SCAP: variants seen among roughly 807,000 people sequenced by gnomAD.
SCAP encodes the protein SREBF chaperone.
Under a neutral mutation model 123.6 loss-of-function variants are expected in SCAP, and 65 were observed. The ratio of observed to expected loss-of-function variants is 0.53; its 90% CI spans 0.43 to 0.65. The LOEUF (loss-of-function observed/expected upper bound fraction) is 0.65, where lower values mean the gene tolerates loss of function less well. Ranked by LOEUF, SCAP falls within the 30% of genes least tolerant of loss-of-function variation. The pLI is 0.00. For synonymous variants in SCAP, 740 were observed against 726.3 expected, an observed-to-expected ratio of 1.02 and a Z score of -0.30; for missense variants, 1,398 against 1,712.5, an observed-to-expected ratio of 0.82 and a Z score of 3.24.
Position 47,420,735 on chromosome 3 carries a change from C to A in SCAP, c.1382G>T (p.Cys461Phe). 6.2e-7 allele frequency: 1 copy of A among 1,610,936 alleles called. No individual in the cohort carries two copies. The highest frequency in any genetic ancestry group is 8.5e-7 in the Non-Finnish European group (1 of 1,179,936). Reference protein sequence around the residue: ...DLNKRLPPEACLPSAKPVGQP... With the variant: ...DLNKRLPPEAFLPSAKPVGQP... ...TCCCACTGGCTTGGCTGAGGGCAGG[C>A]AGGCCTCAGGGGGCAGTCGCTTGTT... The change falls in exon 12 of 23, where the codon TGC (cysteine) becomes TTC (phenylalanine). Residue 461 changes from cysteine (C) to phenylalanine (F), a missense_variant. Physicochemically the swap from Cys to Phe is radical, Grantham distance 205. Transcript: ENST00000265565. This position sits in a 1 kb window ranked among gnomAD's most constrained non-coding sequence, Gnocchi z 5.0.
chr3:47,420,391 G>A lies in SCAP; in HGVS notation c.1563+163C>T, dbSNP rs1705838616. 1.3e-5 allele frequency among the ~76,000 whole-genome samples: 2 copies of A among 152,168 alleles called. No individual in the cohort carries two copies. Among genetic ancestry groups the A allele is most frequent in the Admixed American group, 1.3e-4 (2 of 15,286 alleles). ...ATCTCCTCAGAAGCCACTAGGGTCT[G>A]GGCAGGGAGGACACAACGGGCAACT... On this transcript the variant is annotated intron_variant, in intron 12 of 22. Coordinates refer to ENST00000265565, the MANE Select transcript of SCAP (RefSeq NM_012235.4). This position sits in a 1 kb window ranked among gnomAD's most constrained non-coding sequence, Gnocchi z 5.0.
At chr3:47,423,711 G>A (rs1208289523) in intron 9 of SCAP, among the ~76,000 whole-genome samples, 1 of 152,190 alleles carries the variant, frequency 6.6e-6, no homozygotes, top group Non-Finnish European at 1.5e-5. Context: ...CTTTCTTACT[G>A]ACACATGAAC....
At chr3:47,468,845 G>C (rs559246426) in intron 1 of SCAP, among the ~76,000 whole-genome samples, 201 of 152,156 alleles carry the variant, frequency 1.3e-3, no homozygotes, top group Non-Finnish European at 2.4e-3. Flanking sequence ...GGGTTTTTAT[G>C]GTTTTAGGTC....
chr3:47,469,090 G>A (rs140916562), intron 1 of SCAP, among the ~76,000 whole-genome samples: 3,471 of 152,314 alleles, frequency 0.023, 51 homozygotes, highest in Middle Eastern at 0.058. Flanking sequence ...GCTCACACCT[G>A]CAATCCCAGC....
At chr3:47,446,450 C>T (rs1427311121) in intron 1 of SCAP, among the ~76,000 whole-genome samples, 1 of 152,110 alleles carries the variant, frequency 6.6e-6, no homozygotes, top group East Asian at 1.9e-4. Context: ...GGATTACAGG[C>T]GTGAGCCACC....
At position 47,418,681 on chromosome 3, in the gene SCAP, C is replaced by T; in HGVS notation, c.2103G>A (p.Gln701=). The T allele has an allele frequency of 6.3e-7, 1 of 1,579,136 alleles. No homozygotes were observed. The highest frequency in any genetic ancestry group is 8.6e-7 in the Non-Finnish European group (1 of 1,161,170). ...TGTACAGCGTGACGTCTCCATGGGCCTGCACCCCACCTGGGCCCTTGGGTC... is the reference window on the plus strand; with the variant it reads ...TGTACAGCGTGACGTCTCCATGGGCTTGCACCCCACCTGGGCCCTTGGGTC... ...EAGPKGPGGV[Q]AHGDVTLYKV... is the part of the protein sequence containing the mutation. Residue 701 remains glutamine, a synonymous_variant, in exon 14 of 23, where the codon CAG becomes CAA. Transcript: ENST00000265565.
chr3:47,440,394 G>A (rs1706746712), intron 2 of SCAP, among the ~76,000 whole-genome samples: 1 of 152,220 alleles, frequency 6.6e-6, no homozygotes, highest in South Asian at 2.1e-4. Context: ...CCAAGTCCCA[G>A]AATCTATGGA....
chr3:47,428,331 G>A (rs780003352), intron 4 of SCAP, among the ~76,000 whole-genome samples, 182 bp downstream of exon 4: 2 of 152,084 alleles, frequency 1.3e-5, no homozygotes, highest in Non-Finnish European at 2.9e-5. Flanking sequence ...AGGTCCAAGC[G>A]GAATGCAGCC....
intron 1 of SCAP, among the ~76,000 whole-genome samples, chr3:47,473,822 C>A (rs947309536): frequency 2.0e-5 from 3 of 152,160 alleles, no homozygotes; most frequent in African/African-American, 7.2e-5. Context: ...GCATATGCCT[C>A]CATTTTTCTA....
chr3:47,464,481 C>T lies in SCAP; in HGVS notation c.-99+11318G>A, dbSNP rs79375145. On this transcript the variant is annotated intron_variant, in intron 1 of 22. Transcript: ENST00000265565. ...ACAAAAATCAATTAAGGTAATATGCCACATTACTAGAATGAAGGAGAAAAA... is the reference window on the plus strand; with the variant it reads ...ACAAAAATCAATTAAGGTAATATGCTACATTACTAGAATGAAGGAGAAAAA... Among the ~76,000 whole-genome samples, 1,377 of 152,044 alleles carry T rather than the reference C, an allele frequency of 9.1e-3. 17 individuals are homozygous for T. Among genetic ancestry groups the T allele is most frequent in the African/African-American group, 0.032 (1,306 of 41,442 alleles).
In SCAP at chr3:47,422,356, GGGGA is replaced by G. The variant is rs1705939233; in HGVS notation, c.1245+82_1245+85del. The G allele has an allele frequency of 5.0e-6, 6 of 1,211,992 alleles. No individual in the cohort carries two copies. The Admixed American group carries it at 1.1e-4, about 23-fold the overall frequency. The allele number at this position is 1,211,992 out of a possible 1,614,324, so 75.1% of individuals were successfully genotyped here. On this transcript the variant is annotated intron_variant, in intron 10 of 22. Coordinates refer to ENST00000265565, the MANE Select transcript of SCAP (RefSeq NM_012235.4). ...GAAGCAAGGATGCCTGTGCTGAAGA[GGGGA>G]GCACCCTGCCCATGGCTGCACAGCT...
chr3:47,454,652 G>A (rs375420396), intron 1 of SCAP, among the ~76,000 whole-genome samples: 23 of 151,956 alleles, frequency 1.5e-4, no homozygotes, highest in African/African-American at 2.9e-4. Context: ...TCGCTTGAAC[G>A]CAGGAGAATC....
chr3:47,416,608 C>A (rs1024564927), intron 18 of SCAP, among the ~76,000 whole-genome samples: 1 of 148,954 alleles, frequency 6.7e-6, no homozygotes, highest in Non-Finnish European at 1.5e-5. Context: ...ACGTCACACC[C>A]CTAACGCTTT....
chr3:47,448,631 C>T (rs1410109326), intron 1 of SCAP, among the ~76,000 whole-genome samples: 1 of 151,826 alleles, frequency 6.6e-6, no homozygotes. Context: ...TGTTCACTGA[C>T]TCTTCTGTCT....
intron 2 of SCAP, among the ~76,000 whole-genome samples, chr3:47,437,869 CCTAGGATGAAATGG>C (rs1258548925): frequency 6.6e-6 from 1 of 151,978 alleles, no homozygotes; most frequent in Admixed American, 6.6e-5. Context: ...CGGGTATATT[CCTAGGATGAAATGG>C]CTGGGTATGG....
intron 8 of SCAP, among the ~76,000 whole-genome samples, chr3:47,424,488 T>A (rs533907010): frequency 6.6e-6 from 1 of 152,342 alleles, no homozygotes; most frequent in African/African-American, 2.4e-5. Flanking sequence ...CCCACTCACC[T>A]TTGTTGAGAA....
In SCAP at chr3:47,426,182, C is replaced by G; in HGVS notation, c.738-13G>C. 1 of 1,611,132 alleles carries G rather than the reference C, an allele frequency of 6.2e-7. No homozygotes were observed. The highest frequency in any genetic ancestry group is 8.5e-7 in the Non-Finnish European group (1 of 1,179,170). On this transcript the variant is annotated splice_polypyrimidine_tract_variant and intron_variant, in intron 6 of 22. Coordinates refer to ENST00000265565, the MANE Select transcript of SCAP (RefSeq NM_012235.4). ...GCTGCCCAGGAACCTGGTCAAGGAG[C>G]AGGGTGGGGGTAAATGGAAGTGTTG...
chr3:47,418,261 C>A lies in SCAP; in HGVS notation c.2332-12G>T. 6.4e-7 allele frequency: 1 copy of A among 1,559,308 alleles called. No homozygotes were observed. The highest frequency in any genetic ancestry group is 2.4e-5 in the East Asian group (1 of 41,566). On this transcript the variant is annotated splice_polypyrimidine_tract_variant and intron_variant, in intron 15 of 22. Transcript: ENST00000265565. Reference sequence around the variant, plus strand: ...AGGCACTCGATGTCCTGCAGAAGCCCGGTGTTGGTATGGGCCAGGCTCCGG... The same window carrying A: ...AGGCACTCGATGTCCTGCAGAAGCCAGGTGTTGGTATGGGCCAGGCTCCGG...
At chr3:47,453,341 G>A (rs535324973) in intron 1 of SCAP, among the ~76,000 whole-genome samples, 2 of 151,318 alleles carry the variant, frequency 1.3e-5, no homozygotes, top group Admixed American at 6.6e-5. Flanking sequence ...CCAGAAGTTC[G>A]AGACCAGTCT....
Sources: allele counts gnomAD v4.1 joint callset (sites outside exome capture counted in the v4.1 genomes callset), GRCh38; gene constraint gnomAD v4.1.1; non-coding constraint Gnocchi (gnomAD v3.1); transcripts MANE v1.5; gene names NCBI Gene and HGNC (gene_info 2026-07-23, HGNC 2026-07-21).